The following PPP2R3A variants were observed in gnomAD, a reference collection of about 807,000 sequenced individuals.
The protein encoded by PPP2R3A is protein phosphatase 2 regulatory subunit B''alpha.
In PPP2R3A, 80 loss-of-function variants were observed where a neutral mutation model predicts 106.9. The observed-to-expected ratio is 0.75, with a 90% confidence interval of 0.62 to 0.90. PPP2R3A has a LOEUF of 0.90. Ranked by LOEUF, PPP2R3A falls within the 40% of genes least tolerant of loss-of-function variation. The pLI is 0.00. For missense variants in PPP2R3A, 1,386 were observed against 1,350.4 expected, an observed-to-expected ratio of 1.03 and a Z score of -0.41; for synonymous variants, 483 against 468.3, an observed-to-expected ratio of 1.03 and a Z score of -0.41.
intron 12 of PPP2R3A, among the ~76,000 whole-genome samples, chr3:136,105,455 G>A (rs1046090320): frequency 5.3e-5 from 8 of 152,066 alleles, no homozygotes; most frequent in South Asian, 4.1e-4. Context: ...GTGAGCCCCT[G>A]TGTCTACAAA....
intron 10 of PPP2R3A, among the ~76,000 whole-genome samples, chr3:136,093,337 AGGCAG>A (rs779673050): frequency 1.3e-5 from 2 of 152,206 alleles, no homozygotes; most frequent in Non-Finnish European, 2.9e-5. Context: ...TGAGCCTGGG[AGGCAG>A]AGGTTGCAGT....
At chr3:136,008,548 A>G (rs925006396) in intron 2 of PPP2R3A, among the ~76,000 whole-genome samples, 1 of 152,190 alleles carries the variant, frequency 6.6e-6, no homozygotes, top group Non-Finnish European at 1.5e-5. Flanking sequence ...GTCCCCACCT[A>G]TGTTCACAAG....
intron 1 of PPP2R3A, among the ~76,000 whole-genome samples, chr3:135,997,117 A>G (rs1005432771): frequency 1.3e-5 from 2 of 152,164 alleles, no homozygotes; most frequent in African/African-American, 2.4e-5. Context: ...GAAAAAATTC[A>G]TATCTCCATT....
At chr3:136,070,425 A>G (rs1936390990) in intron 5 of PPP2R3A, 53 bp from the exon 6 acceptor site, 3 of 1,460,658 alleles carry the variant, frequency 2.1e-6, no homozygotes, top group Non-Finnish European at 2.8e-6. Context: ...AAACTTCCAT[A>G]GGCATAATTT....
chr3:136,040,041 T>G (rs1935211717), intron 3 of PPP2R3A, among the ~76,000 whole-genome samples: 1 of 152,226 alleles, frequency 6.6e-6, no homozygotes. Flanking sequence ...TAAATAGATA[T>G]GATAGCTGTT....
In PPP2R3A at chr3:136,026,968, G is replaced by C. The variant is rs35250006; in HGVS notation, c.2132G>C (p.Arg711Pro). 5.0e-6 allele frequency: 8 copies of C among 1,613,562 alleles called. No individual in the cohort carries two copies. Among genetic ancestry groups the C allele is most frequent in the Non-Finnish European group, 6.8e-6 (8 of 1,179,636 alleles). ...VNAPLSINIPRFYFPEGLPDT... is the reference protein window; with the variant it reads ...VNAPLSINIPPFYFPEGLPDT... ...GCGCCATTGTCCATAAACATTCCAC[G>C]GTTCTACTTTCCTGAAGGACTCCCA... Residue 711 changes from arginine to proline, a missense_variant, in exon 3 of 14, where the codon CGG becomes CCG. Coordinates refer to ENST00000264977, the MANE Select transcript of PPP2R3A (RefSeq NM_002718.5).
At position 136,106,270 on chromosome 3, in the gene PPP2R3A, G is replaced by A; in HGVS notation, c.3277G>A (p.Glu1093Lys). 2.5e-6 allele frequency: 4 copies of A among 1,613,402 alleles called. No homozygotes were observed. The highest frequency in any genetic ancestry group is 3.4e-6 in the Non-Finnish European group (4 of 1,179,820). ...PSDWDRFAAEEYETLVAEESA... is the reference protein window; with the variant it reads ...PSDWDRFAAEKYETLVAEESA... ...AGACTGGGACCGGTTTGCCGCTGAGGAGTATGAGACGCTTGTTGCAGAGGA... is the reference window on the plus strand; with the variant it reads ...AGACTGGGACCGGTTTGCCGCTGAGAAGTATGAGACGCTTGTTGCAGAGGA... Residue 1093 changes from glutamate (E) to lysine (K), a missense_variant, in exon 13 of 14, where the codon GAG becomes AAG. Coordinates refer to ENST00000264977, the MANE Select transcript of PPP2R3A (RefSeq NM_002718.5).
chr3:136,027,129 C>G (rs916031483), intron 3 of PPP2R3A, 31 bp downstream of exon 3: 19 of 1,573,634 alleles, frequency 1.2e-5, no homozygotes, highest in Non-Finnish European at 1.6e-5. Context: ...TTTACAATCT[C>G]CCCTTCTTTA....
At chr3:135,994,252 G>A (rs1034198176) in intron 1 of PPP2R3A, among the ~76,000 whole-genome samples, 1 of 152,166 alleles carries the variant, frequency 6.6e-6, no homozygotes, top group East Asian at 1.9e-4. Context: ...CTAGGAGCTG[G>A]AGTTAGTAAG....
chr3:136,041,248 TTG>T (rs1491530297), intron 4 of PPP2R3A, among the ~76,000 whole-genome samples: 1 of 64,952 alleles, frequency 1.5e-5, no homozygotes, highest in African/African-American at 6.4e-5. Flanking sequence ...GTTTTTTTTT[TTG>T]TTTTTTTTTT....
chr3:135,977,683 G>A lies in PPP2R3A; in HGVS notation c.-441+11834G>A, dbSNP rs528857929. On this transcript the variant is annotated intron_variant, in intron 1 of 13. Transcript: ENST00000264977. ...TACATAAGTTGCATTCATCTGATCA[G>A]CATTCTTTTTTTTTTTTTTTTTTTT... Among the ~76,000 whole-genome samples the A allele has an allele frequency of 4.5e-5, 6 of 133,938 alleles. No homozygotes were observed. In the East Asian group the frequency reaches 1.3e-3, roughly 29 times the overall value. 87.9% of individuals were successfully genotyped at this position (133,938 alleles called of 152,430 possible). A position where few individuals can be genotyped will look rare whatever the true frequency, so the allele number is the denominator to read the frequency against.
chr3:136,055,212 T>C, intron 5 of PPP2R3A: 1 of 760,402 alleles, frequency 1.3e-6, no homozygotes, highest in Admixed American at 2.1e-5. Flanking sequence ...CAAGATAAAA[T>C]TAAAAAGCCA....
At chr3:136,075,133 A>G (rs1337968401) in intron 6 of PPP2R3A, among the ~76,000 whole-genome samples, 1 of 152,210 alleles carries the variant, frequency 6.6e-6, no homozygotes, top group African/African-American at 2.4e-5. Context: ...CTGGTGACCT[A>G]TACTTGTGAA....
chr3:136,043,386 G>T (rs1018683352), intron 4 of PPP2R3A, among the ~76,000 whole-genome samples: 3 of 152,144 alleles, frequency 2.0e-5, no homozygotes, highest in Admixed American at 2.0e-4. Flanking sequence ...GGGAACCCAG[G>T]AGGCGGAGCT....
At chr3:136,044,354 C>G (rs1935398374) in intron 4 of PPP2R3A, among the ~76,000 whole-genome samples, 2 of 151,932 alleles carry the variant, frequency 1.3e-5, no homozygotes, top group African/African-American at 4.8e-5. Context: ...TGTGTCTGGT[C>G]TTGAGGGCGG....
At chr3:135,969,431 G>A (rs919952500) in intron 1 of PPP2R3A, among the ~76,000 whole-genome samples, 1 of 152,214 alleles carries the variant, frequency 6.6e-6, no homozygotes, top group African/African-American at 2.4e-5. Context: ...GTTCTAGCTT[G>A]CCCAACCAGT....
intron 5 of PPP2R3A, among the ~76,000 whole-genome samples, chr3:136,068,375 G>A (rs554718756): frequency 1.3e-5 from 2 of 150,342 alleles, no homozygotes; most frequent in African/African-American, 2.4e-5. Context: ...TAAATAGGCC[G>A]GGCATGGTGG....
chr3:135,981,826 A>G (rs908203863), intron 1 of PPP2R3A, among the ~76,000 whole-genome samples: 2 of 151,854 alleles, frequency 1.3e-5, no homozygotes, highest in African/African-American at 4.9e-5. Context: ...AAGGAAGGCC[A>G]AGGGAGAATA....
In PPP2R3A at chr3:136,047,745, C is replaced by CA. The variant is rs1419237666; in HGVS notation, c.2367-1505dup. Among the ~76,000 whole-genome samples, 10 of 151,388 alleles carry CA rather than the reference C, an allele frequency of 6.6e-5. No individual in the cohort carries two copies. In the South Asian group the frequency reaches 1.5e-3, roughly 22 times the overall value. On this transcript the variant is annotated intron_variant, in intron 4 of 13. Coordinates refer to ENST00000264977, the MANE Select transcript of PPP2R3A (RefSeq NM_002718.5). ...TGAAACCCCGTCTCTACTAAAAATA[C>CA]AAAAAAAAATTTAGGCAGGTGTGGT...
Sources: allele counts gnomAD v4.1 joint callset (sites outside exome capture counted in the v4.1 genomes callset), GRCh38; gene constraint gnomAD v4.1.1; transcripts MANE v1.5; gene names NCBI Gene and HGNC (gene_info 2026-07-23, HGNC 2026-07-21).